SPOPL: variants seen among roughly 807,000 people sequenced by gnomAD.
The protein encoded by SPOPL is speckle type BTB/POZ protein like.
A neutral mutation model predicts 53.8 loss-of-function variants in SPOPL; 23 were observed. The observed-to-expected ratio is 0.43, with a 90% CI of 0.31 to 0.61. SPOPL has a LOEUF of 0.61. Among genes scored for constraint, SPOPL ranks in the 20% least tolerant of loss-of-function variants. SPOPL has a pLI of 0.12. For missense variants in SPOPL, 442 were observed against 466.9 expected (o/e 0.95, Z 0.49); for synonymous variants, 164 against 149.7 (o/e 1.10, Z -0.70).
In SPOPL at chr2:138,569,291, A is replaced by C; in HGVS notation, c.*211A>C. Reference sequence around the variant, plus strand: ...CTGATTAATTCACTTCAAGGCCTTAAATTATCTTCAATGACTTGTCTTGTT... The same window carrying C: ...CTGATTAATTCACTTCAAGGCCTTACATTATCTTCAATGACTTGTCTTGTT... On this transcript the variant is annotated 3_prime_UTR_variant, in exon 11 of 11. Coordinates refer to ENST00000280098, the MANE Select transcript of SPOPL (RefSeq NM_001001664.3). 2.0e-6 allele frequency: 1 copy of C among 495,702 alleles called. No homozygotes were observed. Among genetic ancestry groups the C allele is most frequent in the South Asian group, 3.8e-5 (1 of 26,042 alleles). The allele number at this position is 495,702 out of a possible 1,614,324, so 30.7% of individuals were successfully genotyped here. A position where few individuals can be genotyped will look rare whatever the true frequency, so the allele number is the denominator to read the frequency against.
chr2:138,524,738 C>A (rs1244126885), intron 1 of SPOPL, among the ~76,000 whole-genome samples: 1 of 152,240 alleles, frequency 6.6e-6, no homozygotes, highest in Non-Finnish European at 1.5e-5. Flanking sequence ...TGCTGTAGTT[C>A]CTAACACATT....
chr2:138,521,646 T>C (rs1204386215), intron 1 of SPOPL, among the ~76,000 whole-genome samples: 7 of 152,122 alleles, frequency 4.6e-5, no homozygotes, highest in Admixed American at 2.6e-4. Flanking sequence ...TAACAGCATG[T>C]GTTAATAGCT....
Position 138,570,113 on chromosome 2 carries a change from C to CA in SPOPL, c.*1034dup, listed in dbSNP as rs1685749349. ...TAAATTGGTTTGGATTACAGATATT[C>CA]ATTATTGAATTGACTCCTATTTTCT... On this transcript the variant is annotated 3_prime_UTR_variant, in exon 11 of 11. Coordinates refer to ENST00000280098, the MANE Select transcript of SPOPL (RefSeq NM_001001664.3). 1 of 152,246 alleles carries CA rather than the reference C, an allele frequency of 6.6e-6. No homozygotes were observed. The highest frequency in any genetic ancestry group is 1.5e-5 in the Non-Finnish European group (1 of 68,004). 9.4% of individuals were successfully genotyped at this position (152,246 alleles called of 1,614,324 possible). A position where few individuals can be genotyped will look rare whatever the true frequency, so the allele number is the denominator to read the frequency against.
chr2:138,550,787 T>A (rs1685296652), intron 3 of SPOPL, 116 bp from the exon 4 acceptor site: 30 of 1,420,152 alleles, frequency 2.1e-5, no homozygotes, highest in Non-Finnish European at 2.9e-5. Flanking sequence ...GAGTGCTGTT[T>A]GTGACATTAA....
At position 138,562,783 on chromosome 2, in the gene SPOPL, C is replaced by CAAA. The variant is rs35397774; in HGVS notation, c.837+1874_837+1876dup. Among the ~76,000 whole-genome samples the CAAA allele has an allele frequency of 9.4e-5, 6 of 64,110 alleles. 1 individual carries two copies. The highest frequency in any genetic ancestry group is 2.6e-4 in the African/African-American group (5 of 19,290). 42.1% of individuals were successfully genotyped at this position (64,110 alleles called of 152,430 possible). ...TGGGCAAAAGAGCAAGATTCCATCT[C>CAAA]AAAAAAAAAAAAAAAAAAAAGTAAT... is the stretch of plus-strand genomic sequence containing the variant. On this transcript the variant is annotated intron_variant, in intron 8 of 10. Transcript: ENST00000280098.
intron 8 of SPOPL, among the ~76,000 whole-genome samples, chr2:138,562,951 A>G (rs749454065): frequency 2.0e-4 from 31 of 152,158 alleles, no homozygotes; most frequent in Non-Finnish European, 2.2e-4. Flanking sequence ...ATAGACTTCA[A>G]TAAAATTTCA....
chr2:138,548,901 T>C (rs1376156541), intron 1 of SPOPL, among the ~76,000 whole-genome samples: 1 of 152,154 alleles, frequency 6.6e-6, no homozygotes, highest in Admixed American at 6.6e-5. Flanking sequence ...TGAATTTGCC[T>C]AAAATAAATA....
intron 1 of SPOPL, among the ~76,000 whole-genome samples, chr2:138,517,254 T>A (rs1410755487): frequency 2.0e-5 from 3 of 152,162 alleles, no homozygotes; most frequent in African/African-American, 7.2e-5. Context: ...TATTCTTGAT[T>A]TTTAGAGGTT....
intron 3 of SPOPL, 72 bp from the exon 4 acceptor site, chr2:138,550,831 C>CTCTCTG: frequency 7.3e-7 from 1 of 1,375,520 alleles, no homozygotes; most frequent in Non-Finnish European, 9.7e-7. Context: ...CTCTCTTTCT[C>CTCTCTG]TCTCTCTCTC....
intron 1 of SPOPL, among the ~76,000 whole-genome samples, chr2:138,516,166 T>C (rs1306656528): frequency 6.6e-6 from 1 of 152,072 alleles, no homozygotes; most frequent in African/African-American, 2.4e-5. Flanking sequence ...AGATAGTGGG[T>C]GGTTAGATTG....
chr2:138,554,553 T>C (rs1421300513), intron 5 of SPOPL: 1 of 1,263,996 alleles, frequency 7.9e-7, no homozygotes, highest in Admixed American at 2.4e-5. Context: ...AGTTGGGTGC[T>C]ACCCTTTTTG....
intron 1 of SPOPL, among the ~76,000 whole-genome samples, chr2:138,514,816 T>G (rs1485755983): frequency 6.6e-6 from 1 of 152,216 alleles, no homozygotes. Flanking sequence ...TATAACCTCA[T>G]CAGTAGTAGA....
Position 138,571,686 on chromosome 2 carries a change from C to T in SPOPL, c.*2606C>T, listed in dbSNP as rs6746160. 0.98 allele frequency: 149,650 copies of T among 152,638 alleles called. 73,423 individuals are homozygous for T. Among genetic ancestry groups the T allele is most frequent in the Non-Finnish European group, 1 (68,003 of 68,012 alleles). 9.5% of individuals were successfully genotyped at this position (152,638 alleles called of 1,614,324 possible). ...ATTACTTTCAAAATAGGTATAGATA[C>T]TCTGTCCCGCCTTTTGAGCTATTAG... is the stretch of plus-strand genomic sequence containing the variant. On this transcript the variant is annotated 3_prime_UTR_variant, in exon 11 of 11. Transcript: ENST00000280098.
intron 1 of SPOPL, among the ~76,000 whole-genome samples, chr2:138,512,017 C>T (rs1684334552): frequency 6.6e-6 from 1 of 152,036 alleles, no homozygotes; most frequent in Non-Finnish European, 1.5e-5. Context: ...AATGTGCTTT[C>T]CATGAGGTTA....
intron 5 of SPOPL, among the ~76,000 whole-genome samples, chr2:138,558,513 A>G (rs544929224): frequency 6.6e-6 from 1 of 152,300 alleles, no homozygotes; most frequent in South Asian, 2.1e-4. Context: ...AACATTAGGA[A>G]TAACACTTTA....
chr2:138,520,972 T>C (rs1347626955), intron 1 of SPOPL, among the ~76,000 whole-genome samples: 2 of 152,204 alleles, frequency 1.3e-5, no homozygotes, highest in Admixed American at 1.3e-4. Flanking sequence ...ATATTATTAA[T>C]ACATAATAGA....
At chr2:138,502,464 C>T (rs1364213095) in intron 1 of SPOPL, among the ~76,000 whole-genome samples, 6 of 152,196 alleles carry the variant, frequency 3.9e-5, no homozygotes, top group Non-Finnish European at 7.3e-5. Context: ...ACCTGTATAC[C>T]TCCACACCTG....
chr2:138,540,133 G>A (rs985137611), intron 1 of SPOPL, among the ~76,000 whole-genome samples: 1 of 152,234 alleles, frequency 6.6e-6, no homozygotes, highest in African/African-American at 2.4e-5. Flanking sequence ...GTACCATGCT[G>A]TTTTGGTTAC....
chr2:138,541,904 T>G (rs1685080326), intron 1 of SPOPL, among the ~76,000 whole-genome samples: 1 of 152,218 alleles, frequency 6.6e-6, no homozygotes, highest in South Asian at 2.1e-4. Flanking sequence ...ACACACTGCT[T>G]TGAATGCATC....
Sources: allele counts gnomAD v4.1 joint callset (sites outside exome capture counted in the v4.1 genomes callset), GRCh38; gene constraint gnomAD v4.1.1; transcripts MANE v1.5; gene names NCBI Gene and HGNC (gene_info 2026-07-23, HGNC 2026-07-21).